GALNS: variants seen among roughly 807,000 people sequenced by gnomAD.
The protein encoded by GALNS is galactosamine (N-acetyl)-6-sulfatase.
A neutral mutation model predicts 65.9 loss-of-function variants in GALNS; 65 were observed. The observed-to-expected ratio is 0.99, with a 90% CI of 0.81 to 1.21. The LOEUF is 1.21. GALNS is among the 50% of genes most tolerant of loss of function. The pLI is 0.00. For missense variants in GALNS, 776 were observed against 700.7 expected (o/e 1.11, Z -1.21); for synonymous variants, 346 against 288.9 (o/e 1.20, Z -2.00).
chr16:88,834,981 C>G (rs577512188), intron 8 of GALNS, among the ~76,000 whole-genome samples: 1 of 151,588 alleles, frequency 6.6e-6, no homozygotes, highest in Non-Finnish European at 1.5e-5. Context: ...CAAACCCTCT[C>G]CCCTGTGTCA....
At chr16:88,817,356 A>C in intron 13 of GALNS, 2 of 985,278 alleles carry the variant, frequency 2.0e-6, no homozygotes, top group Non-Finnish European at 2.4e-6. Context: ...CCGTTTCTCT[A>C]CTGGAGGTGA....
chr16:88,829,700 A>C (rs1402027322), intron 9 of GALNS, among the ~76,000 whole-genome samples: 2 of 152,192 alleles, frequency 1.3e-5, no homozygotes, highest in Admixed American at 1.3e-4. Context: ...GCTCCCTAGT[A>C]ATTGGGGGAC....
At position 88,815,898 on chromosome 16, in the gene GALNS, C is replaced by T. The variant is rs1430887066; in HGVS notation, c.1483-1373G>A. The T allele has an allele frequency of 5.1e-6, 5 of 985,308 alleles. No homozygotes were observed. In the Admixed American group the frequency reaches 2.5e-4, roughly 48 times the overall value. The allele number at this position is 985,308 out of a possible 1,614,324, so 61.0% of individuals were successfully genotyped here. On this transcript the variant is annotated intron_variant, in intron 13 of 13. Coordinates refer to ENST00000268695, the MANE Select transcript of GALNS (RefSeq NM_000512.5). Reference sequence around the variant, plus strand: ...TTTCTCAAAGGCCGCTCAGCTGTCCCAGAAGCAGGGGTCCAGGTGGCCACA... The same window carrying T: ...TTTCTCAAAGGCCGCTCAGCTGTCCTAGAAGCAGGGGTCCAGGTGGCCACA...
At chr16:88,842,132 C>G in intron 2 of GALNS, 161 bp from the exon 3 acceptor site, 1 of 725,766 alleles carries the variant, frequency 1.4e-6, no homozygotes, top group Non-Finnish European at 2.5e-6. Flanking sequence ...GCGTCTCCAC[C>G]ACCTGGGTGG....
At position 88,813,830 on chromosome 16, in the gene GALNS, C is replaced by T. The variant is rs1597513946; in HGVS notation, c.*609G>A. Reference sequence around the variant, plus strand: ...ACACGCCTCCCTCATAATTAGCGTCCAGGGAAATTCCTTGTGGACAAAGGA... The same window carrying T: ...ACACGCCTCCCTCATAATTAGCGTCTAGGGAAATTCCTTGTGGACAAAGGA... On this transcript the variant is annotated 3_prime_UTR_variant, in exon 14 of 14. Coordinates refer to ENST00000268695, the MANE Select transcript of GALNS (RefSeq NM_000512.5). 6.4e-6 allele frequency: 1 copy of T among 156,386 alleles called. No individual in the cohort carries two copies. The allele number at this position is 156,386 out of a possible 1,614,324, so 9.7% of individuals were successfully genotyped here. A position where few individuals can be genotyped will look rare whatever the true frequency, so the allele number is the denominator to read the frequency against.
At chr16:88,818,790 A>G (rs1909904935) in intron 12 of GALNS, among the ~76,000 whole-genome samples, 1 of 152,208 alleles carries the variant, frequency 6.6e-6, no homozygotes, top group Non-Finnish European at 1.5e-5. Flanking sequence ...AATATCGACA[A>G]CATCCACATA....
chr16:88,856,369 T>G (rs1597612492), intron 1 of GALNS: 1 of 701,610 alleles, frequency 1.4e-6, no homozygotes, highest in African/African-American at 1.7e-5. Flanking sequence ...GAGGCCACGC[T>G]GCGCGCCCAC....
chr16:88,837,621 C>G lies in GALNS; in HGVS notation c.566+1G>C. On this transcript the variant is annotated splice_donor_variant, in intron 5 of 13. Transcript: ENST00000268695. LOFTEE classifies it high-confidence loss of function. ...GAGGGGAAGGGGTGGGGCTCCATTACCTGCCAACCATCTCCCAGTCCCTGT... is the reference window on the plus strand; with the variant it reads ...GAGGGGAAGGGGTGGGGCTCCATTAGCTGCCAACCATCTCCCAGTCCCTGT... 1 of 1,612,820 alleles carries G rather than the reference C, an allele frequency of 6.2e-7. No homozygotes were observed. The highest frequency in any genetic ancestry group is 8.5e-7 in the Non-Finnish European group (1 of 1,179,910).
intron 12 of GALNS, among the ~76,000 whole-genome samples, chr16:88,818,403 C>T (rs1395827783): frequency 6.6e-6 from 1 of 152,220 alleles, no homozygotes; most frequent in Non-Finnish European, 1.5e-5. Context: ...GCCGTCCCAT[C>T]CTGTCCCTGC....
At chr16:88,816,602 G>T (rs1410899796) in intron 13 of GALNS, 3 of 984,242 alleles carry the variant, frequency 3.0e-6, no homozygotes, top group African/African-American at 3.5e-5. Context: ...CCTGGGCAGG[G>T]ACAAGGCCAT....
At chr16:88,819,880 G>C (rs2142988866) in intron 12 of GALNS, among the ~76,000 whole-genome samples, 1 of 152,254 alleles carries the variant, frequency 6.6e-6, no homozygotes, top group East Asian at 1.9e-4. Flanking sequence ...TTTTAGTAGA[G>C]ACGGGGTTTC....
At chr16:88,845,797 G>T (rs1967216060) in intron 1 of GALNS, among the ~76,000 whole-genome samples, 1 of 150,504 alleles carries the variant, frequency 6.6e-6, no homozygotes. Context: ...TTCGAGACCA[G>T]CCTGGACAAC....
chr16:88,814,559 G>A, intron 13 of GALNS, 34 bp from the exon 14 acceptor site: 2 of 1,549,998 alleles, frequency 1.3e-6, no homozygotes, highest in Admixed American at 2.0e-5. Context: ...AGAACATGCA[G>A]TTATTCAAGC....
At chr16:88,832,601 T>G (rs1302308210) in intron 8 of GALNS, among the ~76,000 whole-genome samples, 1 of 152,064 alleles carries the variant, frequency 6.6e-6, no homozygotes, top group African/African-American at 2.4e-5. Context: ...TGGGAAGTGG[T>G]CACGGGGCAA....
intron 9 of GALNS, among the ~76,000 whole-genome samples, chr16:88,830,777 G>A (rs542325892): frequency 1.3e-5 from 2 of 152,302 alleles, no homozygotes; most frequent in Admixed American, 6.5e-5. Flanking sequence ...GGCCACCACC[G>A]AGGTCCGCAC....
intron 1 of GALNS, among the ~76,000 whole-genome samples, chr16:88,854,431 C>T (rs1216946771): frequency 6.6e-6 from 1 of 152,240 alleles, no homozygotes; most frequent in Non-Finnish European, 1.5e-5. Context: ...AGCATCCCTG[C>T]CCTGTCCTGG....
At chr16:88,827,092 C>A (rs1045637774) in intron 9 of GALNS, 3 of 585,724 alleles carry the variant, frequency 5.1e-6, no homozygotes, top group Non-Finnish European at 9.2e-6. Context: ...CTCTGTGGAT[C>A]AGATGAAAGG....
intron 12 of GALNS, among the ~76,000 whole-genome samples, chr16:88,819,484 C>T (rs1420083576): frequency 6.6e-6 from 1 of 152,230 alleles, no homozygotes; most frequent in East Asian, 1.9e-4. Context: ...CGTGCACTTT[C>T]TGACGGTGAG....
At chr16:88,831,871 G>A (rs1035717745) in intron 9 of GALNS, 127 bp downstream of exon 9, 98 of 773,282 alleles carry the variant, frequency 1.3e-4, no homozygotes, top group African/African-American at 8.0e-4. Context: ...CACAGGGTGC[G>A]TGGGGAGGAG....
Sources: gnomAD v4.1 joint callset for allele counts (sites outside exome capture counted in the v4.1 genomes callset) on GRCh38, gnomAD v4.1.1 for gene constraint, MANE v1.5 for transcripts, NCBI Gene and HGNC (gene_info 2026-07-23, HGNC 2026-07-21) for gene names.